The following NAA11 variants were observed in gnomAD, a reference collection of about 807,000 sequenced individuals.
NAA11 encodes N-alpha-acetyltransferase 11, NatA catalytic subunit.
NAA11 carries 15 observed loss-of-function variants against 16.1 expected under a neutral mutation model. The observed-to-expected ratio is 0.93, with a 90% CI of 0.62 to 1.44. NAA11 has a LOEUF of 1.44. Ranked by LOEUF, NAA11 falls within the 40% of genes most tolerant of loss-of-function variation. The pLI, the probability that NAA11 is intolerant of heterozygous loss-of-function variation, is 0.00. For synonymous variants in NAA11, 122 were observed against 112.4 expected (o/e 1.09, Z -0.54); for missense variants, 298 against 291.3 (o/e 1.02, Z -0.17).
intron 1 of NAA11, among the ~76,000 whole-genome samples, chr4:79,302,626 C>T (rs891632063): frequency 2.6e-5 from 4 of 151,964 alleles, no homozygotes; most frequent in Non-Finnish European, 4.4e-5. Flanking sequence ...TTTGTATATA[C>T]ATTTGTGTGT....
chr4:79,235,996 T>C (rs557494004), intron 2 of NAA11, among the ~76,000 whole-genome samples: 2 of 152,226 alleles, frequency 1.3e-5, no homozygotes, highest in East Asian at 3.9e-4. Context: ...CCAACACTTC[T>C]AACCACTTAA....
intron 2 of NAA11, among the ~76,000 whole-genome samples, chr4:79,236,708 C>T (rs1366224780): frequency 2.0e-5 from 3 of 152,048 alleles, no homozygotes; most frequent in East Asian, 1.9e-4. Context: ...ATCCAAGTTT[C>T]GTTATGACGT....
At chr4:79,294,772 TAAAAATG>T (rs1723170528) in intron 1 of NAA11, among the ~76,000 whole-genome samples, 1 of 152,182 alleles carries the variant, frequency 6.6e-6, no homozygotes, top group South Asian at 2.1e-4. Context: ...GACATGATGC[TAAAAATG>T]AAAAATGATC....
chr4:79,266,905 G>A (rs1437975348), intron 2 of NAA11, among the ~76,000 whole-genome samples: 1 of 152,116 alleles, frequency 6.6e-6, no homozygotes, highest in African/African-American at 2.4e-5. Flanking sequence ...TCCATTAAAC[G>A]AGTAAGGTCT....
chr4:79,299,730 A>G (rs372020311), intron 1 of NAA11, among the ~76,000 whole-genome samples: 152 of 152,310 alleles, frequency 1.0e-3, no homozygotes, highest in African/African-American at 3.5e-3. Context: ...ATGGATAAAG[A>G]ATCTCAAAGG....
the NAA11 span, among the ~76,000 whole-genome samples, chr4:79,211,091 T>G: frequency 5.3e-5 from 8 of 152,232 alleles, no homozygotes; most frequent in Non-Finnish European, 8.8e-5. Context: ...CATTAAGTAT[T>G]TATTATGTTT....
the NAA11 span, among the ~76,000 whole-genome samples, chr4:79,158,866 G>A: frequency 6.6e-6 from 1 of 151,832 alleles, no homozygotes; most frequent in African/African-American, 2.4e-5. Context: ...AGTGGAGAAA[G>A]CACACCCTAT....
chr4:79,295,598 A>T (rs1723198859), intron 1 of NAA11, among the ~76,000 whole-genome samples: 1 of 152,186 alleles, frequency 6.6e-6, no homozygotes, highest in Non-Finnish European at 1.5e-5. Flanking sequence ...ATCCCCCCAA[A>T]CCGTAATATC....
At chr4:79,193,749 C>T in the NAA11 span, among the ~76,000 whole-genome samples, 1 of 152,048 alleles carries the variant, frequency 6.6e-6, no homozygotes, top group Non-Finnish European at 1.5e-5. Context: ...ATAGTTTTTT[C>T]CAATTCTGTG....
the NAA11 span, among the ~76,000 whole-genome samples, chr4:79,193,144 A>G: frequency 6.6e-6 from 1 of 152,028 alleles, no homozygotes; most frequent in Non-Finnish European, 1.5e-5. Context: ...AGATGAGTAG[A>G]TTGCAAAAAT....
At chr4:79,196,569 A>G in the NAA11 span, among the ~76,000 whole-genome samples, 1 of 151,932 alleles carries the variant, frequency 6.6e-6, no homozygotes. Flanking sequence ...GTAGGACTCA[A>G]ACTAGAACTG....
the NAA11 span, among the ~76,000 whole-genome samples, chr4:79,206,020 G>A: frequency 6.6e-6 from 1 of 152,004 alleles, no homozygotes; most frequent in Non-Finnish European, 1.5e-5. Context: ...TAGCCTTGTA[G>A]TATAATTTGA....
the NAA11 span, among the ~76,000 whole-genome samples, chr4:79,206,527 T>G: frequency 6.6e-6 from 1 of 152,146 alleles, no homozygotes; most frequent in Non-Finnish European, 1.5e-5. Context: ...CCTAAATATT[T>G]GCCCTGGCAT....
chr4:79,167,165 G>T, the NAA11 span, among the ~76,000 whole-genome samples: 68 of 25,178 alleles, frequency 2.7e-3, no homozygotes, highest in Non-Finnish European at 4.3e-3. Context: ...TGTATATGGA[G>T]AGAGAGAATA....
intron 1 of NAA11, among the ~76,000 whole-genome samples, chr4:79,309,631 A>G (rs1369278642): frequency 4.6e-5 from 7 of 152,084 alleles, no homozygotes; most frequent in Non-Finnish European, 7.4e-5. Context: ...CTATTGGCAT[A>G]AAACAGCACT....
At chr4:79,300,823 C>T (rs555872292) in intron 1 of NAA11, among the ~76,000 whole-genome samples, 2 of 151,790 alleles carry the variant, frequency 1.3e-5, no homozygotes, top group African/African-American at 2.4e-5. Context: ...GCTAGAGAGA[C>T]GGATATTAAA....
the NAA11 span, among the ~76,000 whole-genome samples, chr4:79,176,329 C>T: frequency 6.6e-6 from 1 of 152,170 alleles, no homozygotes; most frequent in African/African-American, 2.4e-5. Context: ...CAGGATTCTT[C>T]AGAAAAACAG....
chr4:79,295,374 G>A (rs1723185573), intron 1 of NAA11, among the ~76,000 whole-genome samples: 2 of 152,278 alleles, frequency 1.3e-5, no homozygotes, highest in South Asian at 2.1e-4. Context: ...TCTGTTTCAG[G>A]ATTACAGGCT....
chr4:79,211,601 G>A, the NAA11 span: 1 of 152,158 alleles, frequency 6.6e-6, no homozygotes, highest in Admixed American at 6.5e-5. Flanking sequence ...GGCAGTGAGA[G>A]TTCTGTTCTC....
Sources: gnomAD v4.1 joint callset for allele counts (sites outside exome capture counted in the v4.1 genomes callset) on GRCh38, gnomAD v4.1.1 for gene constraint, MANE v1.5 for transcripts, NCBI Gene and HGNC (gene_info 2026-07-23, HGNC 2026-07-21) for gene names.